CACNA1A: variants seen among roughly 807,000 people sequenced by gnomAD.
The protein encoded by CACNA1A is voltage-dependent P/Q-type calcium channel subunit alpha-1A.
Under a neutral mutation model 262.4 loss-of-function variants are expected in CACNA1A, and 57 were observed. The observed-to-expected ratio is 0.22, with a 90% CI of 0.18 to 0.27. CACNA1A has a LOEUF of 0.27. Ranked by LOEUF, CACNA1A falls within the 10% of genes least tolerant of loss-of-function variation. The pLI is 1.00. For synonymous variants in CACNA1A, 1,431 were observed against 1,419.3 expected, an observed-to-expected ratio of 1.01 and a Z score of -0.18; for missense variants, 2,526 against 3,562.8, an observed-to-expected ratio of 0.71 and a Z score of 7.41.
In CACNA1A at chr19:13,295,087, C is replaced by T. The variant is rs185594385; in HGVS notation, c.3089+3457G>A. ...GAGACCCTGGGAGCAGTTTCTTGGT[C>T]GTATTTCTCAGAATGTCTCAGACCA... On this transcript the variant is annotated intron_variant, in intron 19 of 46. Transcript: ENST00000360228. Among the ~76,000 whole-genome samples, 7 of 152,278 alleles carry T rather than the reference C, an allele frequency of 4.6e-5. No individual in the cohort carries two copies. In the South Asian group the frequency reaches 6.2e-4, roughly 14 times the overall value.
intron 1 of CACNA1A, among the ~76,000 whole-genome samples, chr19:13,464,844 G>A (rs960117836): frequency 5.9e-5 from 9 of 151,450 alleles, no homozygotes; most frequent in Non-Finnish European, 1.0e-4. Context: ...CACTGCGCCC[G>A]GCCAACTTTT....
At chr19:13,374,791 C>T (rs1357527826) in intron 3 of CACNA1A, among the ~76,000 whole-genome samples, 4 of 152,176 alleles carry the variant, frequency 2.6e-5, no homozygotes, top group African/African-American at 9.6e-5. Context: ...GGCCCTATCT[C>T]TGTGTGGGGG....
chr19:13,461,780 C>T (rs1025344610), intron 1 of CACNA1A, among the ~76,000 whole-genome samples: 1 of 152,098 alleles, frequency 6.6e-6, no homozygotes, highest in African/African-American at 2.4e-5. Flanking sequence ...CCTGTGTCAG[C>T]GGGATCCAGA....
chr19:13,422,294 C>T (rs1218237290), intron 3 of CACNA1A, among the ~76,000 whole-genome samples: 5 of 152,168 alleles, frequency 3.3e-5, no homozygotes, highest in Non-Finnish European at 5.9e-5. Context: ...GCACTTCAGC[C>T]TGGGTGATGG....
At position 13,483,392 on chromosome 19, in the gene CACNA1A, G is replaced by A. The variant is rs544681725; in HGVS notation, c.293+22540C>T. On this transcript the variant is annotated intron_variant, in intron 1 of 46. Coordinates refer to ENST00000360228, the MANE Select transcript of CACNA1A (RefSeq NM_001127222.2). ...ATCCTAATACACCTTTAAGAAGACT[G>A]CTCTTCCCCACTTGGAGAAGTTGGC... is the stretch of plus-strand genomic sequence containing the variant. Among the ~76,000 whole-genome samples, 4 of 152,220 alleles carry A rather than the reference G, an allele frequency of 2.6e-5. 1 individual carries two copies. In the South Asian group the frequency reaches 8.3e-4, roughly 32 times the overall value.
At chr19:13,216,632 A>AT (rs1164626857) in intron 38 of CACNA1A, among the ~76,000 whole-genome samples, 8 of 151,538 alleles carry the variant, frequency 5.3e-5, no homozygotes, top group Non-Finnish European at 8.8e-5. Context: ...CTGGCCTATT[A>AT]TTTTTTTTAA....
At chr19:13,454,025 G>A (rs1400132506) in intron 2 of CACNA1A, among the ~76,000 whole-genome samples, 1 of 151,894 alleles carries the variant, frequency 6.6e-6, no homozygotes, top group Non-Finnish European at 1.5e-5. Context: ...TAAAACCCTT[G>A]GGATCTCCAA....
At chr19:13,389,211 ATTT>A (rs1169664666) in intron 3 of CACNA1A, among the ~76,000 whole-genome samples, 1 of 151,918 alleles carries the variant, frequency 6.6e-6, no homozygotes, top group Non-Finnish European at 1.5e-5. Context: ...CAACAACCAT[ATTT>A]CTAAAAGCCC....
intron 31 of CACNA1A, among the ~76,000 whole-genome samples, chr19:13,238,231 C>T (rs1055817637): frequency 2.6e-5 from 4 of 152,138 alleles, no homozygotes; most frequent in Non-Finnish European, 5.9e-5. Context: ...CATTTCAATC[C>T]ATGGCTTGGG....
chr19:13,292,292 G>A (rs2057558290), intron 19 of CACNA1A, among the ~76,000 whole-genome samples: 1 of 152,094 alleles, frequency 6.6e-6, no homozygotes. Context: ...GTAGGAATGA[G>A]GAGAAGACAA....
chr19:13,222,616 C>T (rs987052723), intron 38 of CACNA1A, among the ~76,000 whole-genome samples: 2 of 150,724 alleles, frequency 1.3e-5, no homozygotes, highest in African/African-American at 4.9e-5. Flanking sequence ...AGGATGGTCT[C>T]GATTTCTTGA....
At chr19:13,267,106 G>A (rs2056880650) in intron 24 of CACNA1A, among the ~76,000 whole-genome samples, 1 of 152,038 alleles carries the variant, frequency 6.6e-6, no homozygotes. Flanking sequence ...TGCACCAGGG[G>A]ACAGATCACG....
At chr19:13,266,834 C>CA (rs2056874780) in intron 24 of CACNA1A, among the ~76,000 whole-genome samples, 1 of 152,198 alleles carries the variant, frequency 6.6e-6, no homozygotes, top group African/African-American at 2.4e-5. Context: ...CTCGGCCTCC[C>CA]AAAATGCTGG....
At position 13,506,342 on chromosome 19, in the gene CACNA1A, C is replaced by T. The variant is rs990385036; in HGVS notation, c.-118G>A. ...GGGGCTGGGAGCGCGGCGGCTGGAG[C>T]TACGACTGCGGAGACGCTCCACGGC... On this transcript the variant is annotated 5_prime_UTR_variant, in exon 1 of 47. Transcript: ENST00000360228. 2.1e-5 allele frequency: 20 copies of T among 957,592 alleles called. No individual in the cohort carries two copies. The highest frequency in any genetic ancestry group is 2.9e-5 in the Non-Finnish European group (20 of 700,928). 59.3% of individuals were successfully genotyped at this position (957,592 alleles called of 1,614,324 possible). A position where few individuals can be genotyped will look rare whatever the true frequency, so the allele number is the denominator to read the frequency against.
At position 13,209,371 on chromosome 19, in the gene CACNA1A, C is replaced by T. The variant is rs755749925; in HGVS notation, c.6467G>A (p.Arg2156His). ...CTCAGAGGCGCGGTGGCTGCGGTCG[C>T]GGCGCCGCTGGTGGTGCCGCTGGTT... ...EENQRHHQRR[R>H]DRSHRASERS... Residue 2156 changes from arginine (R) to histidine (H), a missense_variant, in exon 45 of 47, where the codon CGC becomes CAC. By Grantham distance (29) the Arg-to-His change is conservative. Around this residue, in one of 17 missense-constraint regions of CACNA1A, gnomAD observed 929 missense variants for 868.1 expected, o/e 1.07. Coordinates refer to ENST00000360228, the MANE Select transcript of CACNA1A (RefSeq NM_001127222.2). The T allele has an allele frequency of 7.8e-5, 108 of 1,388,484 alleles. No homozygotes were observed. The highest frequency in any genetic ancestry group is 9.2e-5 in the Non-Finnish European group (98 of 1,066,948). 86.0% of individuals were successfully genotyped at this position (1,388,484 alleles called of 1,614,324 possible). A position where few individuals can be genotyped will look rare whatever the true frequency, so the allele number is the denominator to read the frequency against.
At chr19:13,325,971 G>A (rs1030891377) in intron 10 of CACNA1A, among the ~76,000 whole-genome samples, 7 of 151,994 alleles carry the variant, frequency 4.6e-5, no homozygotes, top group Admixed American at 1.3e-4. Context: ...TAATACAGTC[G>A]CCAGGCTGTA....
At position 13,286,794 on chromosome 19, in the gene CACNA1A, C is replaced by T. The variant is rs371820430; in HGVS notation, c.3262G>A (p.Ala1088Thr). 18 of 1,612,650 alleles carry T rather than the reference C, an allele frequency of 1.1e-5. No homozygotes were observed. Among genetic ancestry groups the T allele is most frequent in the East Asian group, 2.2e-5 (1 of 44,874 alleles). Reference sequence around the variant, plus strand: ...TTGGCTGGGCTCTGGGGCAGGCCGGCGTGGCCAAGGCTGCCGTGGGGAGCG... The same window carrying T: ...TTGGCTGGGCTCTGGGGCAGGCCGGTGTGGCCAAGGCTGCCGTGGGGAGCG... Reference protein sequence around the residue: ...SAAPHGSLGHAGLPQSPAKMG... With the variant: ...SAAPHGSLGHTGLPQSPAKMG... Residue 1088 changes from alanine to threonine, a missense_variant, in exon 20 of 47, where the codon GCC becomes ACC. By Grantham distance (58) the Ala-to-Thr change is moderately conservative. Transcript: ENST00000360228.
chr19:13,413,907 G>GAAAAGA (rs199642802), intron 3 of CACNA1A, among the ~76,000 whole-genome samples: 33 of 83,142 alleles, frequency 4.0e-4, no homozygotes, highest in African/African-American at 1.3e-3. Flanking sequence ...AAGAAAGAAA[G>GAAAAGA]AAAGAAAGAA....
At chr19:13,266,048 T>C (rs962004668) in intron 24 of CACNA1A, among the ~76,000 whole-genome samples, 14 of 152,116 alleles carry the variant, frequency 9.2e-5, no homozygotes, top group Non-Finnish European at 2.1e-4. Flanking sequence ...TTCTCCATGT[T>C]GGTCAGGCTG....
Sources: gnomAD v4.1 joint callset for allele counts (sites outside exome capture counted in the v4.1 genomes callset) on GRCh38, gnomAD v4.1.1 for gene constraint, gnomAD v4.1.1 regional missense constraint, MANE v1.5 for transcripts, NCBI Gene and HGNC (gene_info 2026-07-23, HGNC 2026-07-21) for gene names.